TNMD: variants seen among roughly 807,000 people sequenced by gnomAD.
The protein encoded by TNMD is BRICHOS domain containing 4.
TNMD carries 15 observed loss-of-function variants against 26.9 expected under a neutral mutation model. The ratio of observed to expected loss-of-function variants is 0.56; its 90% CI spans 0.37 to 0.86. The LOEUF (loss-of-function observed/expected upper bound fraction) is 0.86, where lower values mean the gene tolerates loss of function less well. Among genes scored for constraint, TNMD ranks in the 40% least tolerant of loss-of-function variants. The pLI is 0.00. For missense variants in TNMD, 222 were observed against 242.6 expected (o/e 0.92, Z 0.56); for synonymous variants, 73 against 77.0 (o/e 0.95, Z 0.27).
At chrX:100,599,481 C>T in intron 6 of TNMD, 27 bp from the exon 7 acceptor site, 1 of 1,170,624 alleles carries the variant, frequency 8.5e-7, no homozygotes, top group Non-Finnish European at 1.2e-6. Flanking sequence ...CTCTCCCACC[C>T]CCAACACTGG....
chrX:100,597,396 T>C, intron 4 of TNMD, 108 bp from the exon 5 acceptor site: 2 of 948,951 alleles, frequency 2.1e-6, no homozygotes, highest in Non-Finnish European at 1.5e-6. Flanking sequence ...AGCCCTAGGA[T>C]TAAAATTGTT....
chrX:100,598,915 A>G (rs1201663969), intron 5 of TNMD, 101 bp from the exon 6 acceptor site: 2 of 670,168 alleles, frequency 3.0e-6, no homozygotes, highest in African/African-American at 4.5e-5. Context: ...CAGTTAGAAG[A>G]CACAATGAAA....
intron 5 of TNMD, among the ~76,000 whole-genome samples, chrX:100,598,141 G>T (rs2082958114): frequency 8.9e-6 from 1 of 111,872 alleles, no homozygotes; most frequent in Non-Finnish European, 1.9e-5. Context: ...TATAAAAATA[G>T]TTGAGGGCTT....
chrX:100,590,877 G>A (rs1407940437), intron 2 of TNMD, among the ~76,000 whole-genome samples: 2 of 111,893 alleles, frequency 1.8e-5, no homozygotes, highest in African/African-American at 6.5e-5. Context: ...TGAAAGTAAT[G>A]GCAAAGTAAT....
intron 2 of TNMD, among the ~76,000 whole-genome samples, chrX:100,588,292 T>TCA (rs780209826): frequency 9.2e-6 from 1 of 108,712 alleles, no homozygotes; most frequent in East Asian, 2.9e-4. Flanking sequence ...ACGCACAGAC[T>TCA]CACACACACA....
chrX:100,591,181 A>G (rs1001418981), intron 2 of TNMD, among the ~76,000 whole-genome samples: 1 of 110,900 alleles, frequency 9.0e-6, no homozygotes, highest in African/African-American at 3.3e-5. Flanking sequence ...AACTCTCTCT[A>G]TTTTCCAATT....
intron 6 of TNMD, 30 bp from the exon 7 acceptor site, chrX:100,599,478 A>ACCC: frequency 5.2e-6 from 6 of 1,160,294 alleles, no homozygotes; most frequent in Non-Finnish European, 7.0e-6. Context: ...TTCCTCTCCC[A>ACCC]CCCCCAACAC....
At chrX:100,597,232 C>T (rs770833382) in intron 4 of TNMD, among the ~76,000 whole-genome samples, 45 of 111,913 alleles carry the variant, frequency 4.0e-4, no homozygotes, top group Non-Finnish European at 5.1e-4. Flanking sequence ...CTGAAAATAA[C>T]GAAGCCCCTT....
chrX:100,596,861 ACT>A (rs1364436216), intron 4 of TNMD, among the ~76,000 whole-genome samples: 2 of 112,159 alleles, frequency 1.8e-5, no homozygotes, highest in African/African-American at 6.5e-5. Context: ...AAGGAAAAAC[ACT>A]CTGTGAGATA....
intron 4 of TNMD, among the ~76,000 whole-genome samples, chrX:100,596,144 G>GA (rs772400859): frequency 4.5e-5 from 5 of 112,031 alleles, no homozygotes; most frequent in Non-Finnish European, 7.5e-5. Context: ...CCAACATGGT[G>GA]AAAACCCATC....
rs1261442403 is a variant in TNMD, at chrX:100,599,499, T to C, written c.745-9T>C. ...TCCCACCCCCAACACTGGCTTCTTC[T>C]TCTTTCAGACTGAAAATGGAATAGA... On this transcript the variant is annotated splice_polypyrimidine_tract_variant and intron_variant, in intron 6 of 6. Transcript: ENST00000373031. 1.7e-6 allele frequency: 2 copies of C among 1,198,134 alleles called. No homozygotes were observed. The highest frequency in any genetic ancestry group is 3.0e-5 in the East Asian group (1 of 33,566).
intron 6 of TNMD, among the ~76,000 whole-genome samples, 157 bp from the exon 7 acceptor site, chrX:100,599,351 T>G (rs2082962180): frequency 1.8e-5 from 2 of 110,640 alleles, no homozygotes; most frequent in Non-Finnish European, 3.8e-5. Flanking sequence ...AAAATCAATC[T>G]CGATCTCTGT....
intron 4 of TNMD, among the ~76,000 whole-genome samples, chrX:100,597,003 C>T (rs983045879): frequency 8.9e-6 from 1 of 112,128 alleles, no homozygotes; most frequent in Non-Finnish European, 1.9e-5. Flanking sequence ...ACAGGCAAAT[C>T]TTGTAAAACC....
intron 4 of TNMD, among the ~76,000 whole-genome samples, chrX:100,596,833 T>C (rs755416381): frequency 9.0e-6 from 1 of 111,723 alleles, no homozygotes; most frequent in East Asian, 2.8e-4. Flanking sequence ...TCCTTCACAA[T>C]ATAAAAAAAG....
intron 2 of TNMD, among the ~76,000 whole-genome samples, chrX:100,586,674 AG>A (rs1370889243): frequency 1.8e-5 from 2 of 111,260 alleles, no homozygotes; most frequent in Non-Finnish European, 3.8e-5. Context: ...AAAAGATTTC[AG>A]GCATCACCCA....
In TNMD at chrX:100,599,629, A is replaced by G; in HGVS notation, c.866A>G (p.Tyr289Cys). ...VCEPLLGYYP[Y>C]PYCYQGGRVI... ...GAACCTTTACTAGGCTACTACCCAT[A>G]TCCATACTGCTACCAAGGAGGACGA... Residue 289 changes from tyrosine to cysteine, a missense_variant, in exon 7 of 7, where the codon TAT becomes TGT. Coordinates refer to ENST00000373031, the MANE Select transcript of TNMD (RefSeq NM_022144.3). The G allele has an allele frequency of 8.3e-7, 1 of 1,211,491 alleles. No homozygotes were observed. The highest frequency in any genetic ancestry group is 1.1e-6 in the Non-Finnish European group (1 of 895,418).
intron 2 of TNMD, among the ~76,000 whole-genome samples, chrX:100,591,409 A>G (rs1360680355): frequency 8.9e-6 from 1 of 111,978 alleles, no homozygotes; most frequent in Admixed American, 9.5e-5. Context: ...GAAGCTTAGT[A>G]GAGAGCAAAG....
chrX:100,585,553 T>A (rs2082919789), intron 2 of TNMD, among the ~76,000 whole-genome samples, 191 bp downstream of exon 2: 1 of 108,087 alleles, frequency 9.3e-6, no homozygotes, highest in Admixed American at 9.9e-5. Context: ...GGGAAAAAAA[T>A]TTATCTTCTA....
chrX:100,598,474 C>G (rs2082959095), intron 5 of TNMD, among the ~76,000 whole-genome samples: 1 of 112,067 alleles, frequency 8.9e-6, no homozygotes, highest in Non-Finnish European at 1.9e-5. Flanking sequence ...CCAATTCTAA[C>G]TTCTGATTTT....
Sources: allele counts gnomAD v4.1 joint callset (sites outside exome capture counted in the v4.1 genomes callset), GRCh38; gene constraint gnomAD v4.1.1; transcripts MANE v1.5; gene names NCBI Gene and HGNC (gene_info 2026-07-23, HGNC 2026-07-21).